TLE1: variants seen among roughly 807,000 people sequenced by gnomAD.
TLE1 encodes transducin-like enhancer protein 1.
In TLE1, 21 loss-of-function variants were observed where a neutral mutation model predicts 89.8. That is an observed-to-expected ratio of 0.23 (90% CI 0.17 to 0.34). The LOEUF is 0.34. Ranked by LOEUF, TLE1 falls within the 10% of genes least tolerant of loss-of-function variation. TLE1 has a pLI of 1.00. For synonymous variants in TLE1, 447 were observed against 407.6 expected (o/e 1.10, Z -1.16); for missense variants, 795 against 1,031.2 (o/e 0.77, Z 3.14).
chr9:81,645,511 T>C (rs1185332133), intron 6 of TLE1, among the ~76,000 whole-genome samples: 1 of 151,296 alleles, frequency 6.6e-6, no homozygotes, highest in African/African-American at 2.4e-5. Context: ...GAGGCCGAGA[T>C]GGGTGGATCC....
intron 7 of TLE1, 34 bp from the exon 8 acceptor site, chr9:81,633,398 T>C (rs1588054480): frequency 6.2e-7 from 1 of 1,613,132 alleles, no homozygotes; most frequent in South Asian, 1.1e-5. Context: ...CGCACAGACA[T>C]GCCCGTTCAG....
chr9:81,618,993 C>T (rs891790428), intron 9 of TLE1, among the ~76,000 whole-genome samples: 4 of 152,082 alleles, frequency 2.6e-5, no homozygotes, highest in Non-Finnish European at 4.4e-5. Flanking sequence ...AAACCTAGTA[C>T]ATGCAGGTTA....
chr9:81,659,252 T>C lies in TLE1; in HGVS notation c.235-5216A>G, dbSNP rs149736779. On this transcript the variant is annotated intron_variant, in intron 4 of 19. Coordinates refer to ENST00000376499, the MANE Select transcript of TLE1 (RefSeq NM_005077.5). ...CATGCTTCTATTCTTGATTGGAGTG[T>C]GCTGGCAGGTTAACCTGGGTATTTG... Among the ~76,000 whole-genome samples the C allele has an allele frequency of 6.6e-5, 10 of 152,302 alleles. No homozygotes were observed. The East Asian group carries it at 1.9e-3, about 29-fold the overall frequency.
At chr9:81,613,672 G>T in intron 11 of TLE1, 151 bp from the exon 12 acceptor site, 2 of 891,332 alleles carry the variant, frequency 2.2e-6, no homozygotes, top group Non-Finnish European at 3.4e-6. Context: ...GCATTAACTT[G>T]TGAGCGAGAA....
chr9:81,613,577 C>T, intron 11 of TLE1, 56 bp from the exon 12 acceptor site: 2 of 1,586,918 alleles, frequency 1.3e-6, no homozygotes, highest in Non-Finnish European at 1.7e-6. Flanking sequence ...CCATATTACA[C>T]AATTTATCAC....
chr9:81,652,248 T>C lies in TLE1; in HGVS notation c.338A>G (p.Gln113Arg), dbSNP rs1212398338. 2 of 1,614,010 alleles carry C rather than the reference T, an allele frequency of 1.2e-6. No homozygotes were observed. Among genetic ancestry groups the C allele is most frequent in the East Asian group, 2.2e-5 (1 of 44,882 alleles). Reference protein sequence around the residue: ...QVAQAVERAKQVTMAELNAII... With the variant: ...QVAQAVERAKRVTMAELNAII... Reference sequence around the variant, plus strand: ...GGCATTCAATTCTGCCATGGTCACCTGTTTGGCACGTTCAACAGCCTGGGC... The same window carrying C: ...GGCATTCAATTCTGCCATGGTCACCCGTTTGGCACGTTCAACAGCCTGGGC... Residue 113 changes from glutamine (Q) to arginine (R), a missense_variant, in exon 6 of 20, where the codon CAG becomes CGG. Gln to Arg is a conservative substitution (Grantham distance 43, BLOSUM62 1). This residue lies in a region of TLE1 where 66 missense variants were observed against 118.7 expected (regional missense o/e 0.56). Coordinates refer to ENST00000376499, the MANE Select transcript of TLE1 (RefSeq NM_005077.5).
chr9:81,653,836 A>AG (rs1232841357), intron 5 of TLE1, 138 bp downstream of exon 5: 62 of 699,216 alleles, frequency 8.9e-5, no homozygotes, highest in Non-Finnish European at 1.4e-4. Context: ...ATAGACTAGC[A>AG]GGGGGTTTAC....
chr9:81,597,430 A>T (rs1311363280), intron 14 of TLE1, among the ~76,000 whole-genome samples: 1 of 152,160 alleles, frequency 6.6e-6, no homozygotes, highest in Non-Finnish European at 1.5e-5. Context: ...AAAAATACAA[A>T]ATTCTTAAGT....
At chr9:81,661,218 ATATC>A (rs1378391001) in intron 4 of TLE1, among the ~76,000 whole-genome samples, 1 of 147,486 alleles carries the variant, frequency 6.8e-6, no homozygotes, top group Admixed American at 6.8e-5. Context: ...ATATATATAT[ATATC>A]TTTTTTTCAA....
intron 10 of TLE1, 119 bp from the exon 11 acceptor site, chr9:81,616,253 A>T: frequency 8.0e-7 from 1 of 1,257,534 alleles, no homozygotes; most frequent in Non-Finnish European, 1.1e-6. Flanking sequence ...TTGGGGTTGT[A>T]CAAGGTGACC....
Position 81,687,414 on chromosome 9 carries a change from G to A in TLE1, c.45C>T (p.Gly15=), listed in dbSNP as rs1331135657. The change falls in exon 2 of 20, where the codon GGC becomes GGT. Residue 15 remains glycine (G), a synonymous_variant. Coordinates refer to ENST00000376499, the MANE Select transcript of TLE1 (RefSeq NM_005077.5). ...SRHPTPHQAA[G]QPFKFTIPES... The stretch of plus-strand genomic sequence containing the variant: ...CCGGGATAGTGAACTTGAAGGGCTG[G>A]CCTGCAGCCTGGTGCGGCGTCTGGG... The A allele has an allele frequency of 1.2e-6, 2 of 1,610,714 alleles. No homozygotes were observed. The highest frequency in any genetic ancestry group is 2.2e-5 in the South Asian group (2 of 90,120).
intron 14 of TLE1, among the ~76,000 whole-genome samples, chr9:81,597,275 C>T (rs935642484): frequency 4.0e-5 from 6 of 150,216 alleles, no homozygotes; most frequent in Admixed American, 1.3e-4. Flanking sequence ...CGCACCACCA[C>T]GACTTAAAAA....
chr9:81,626,549 CCATAT>C (rs2132259789), intron 8 of TLE1, among the ~76,000 whole-genome samples: 1 of 152,298 alleles, frequency 6.6e-6, no homozygotes, highest in African/African-American at 2.4e-5. Context: ...CCACTGGCAA[CCATAT>C]CATATCTCAG....
chr9:81,604,684 G>A (rs534879100), intron 14 of TLE1, among the ~76,000 whole-genome samples: 4 of 152,266 alleles, frequency 2.6e-5, no homozygotes, highest in African/African-American at 7.2e-5. Context: ...AACCATGGAT[G>A]AGCATTTATA....
chr9:81,652,045 A>T, intron 6 of TLE1, 169 bp downstream of exon 6: 1 of 578,800 alleles, frequency 1.7e-6, no homozygotes, highest in East Asian at 2.7e-5. Flanking sequence ...CATATACCTT[A>T]GCACATCCCA....
At chr9:81,643,686 C>T (rs1205339765) in intron 6 of TLE1, among the ~76,000 whole-genome samples, 1 of 152,056 alleles carries the variant, frequency 6.6e-6, no homozygotes, top group Non-Finnish European at 1.5e-5. Context: ...AGGCACGCAC[C>T]ACCACACTCA....
intron 11 of TLE1, among the ~76,000 whole-genome samples, chr9:81,613,977 G>A (rs923382840): frequency 6.9e-6 from 1 of 144,870 alleles, no homozygotes; most frequent in Admixed American, 7.2e-5. Context: ...GCGCAATCTC[G>A]GCCTACTACA....
intron 4 of TLE1, among the ~76,000 whole-genome samples, chr9:81,667,608 C>T (rs1302159701): frequency 6.6e-6 from 1 of 152,010 alleles, no homozygotes; most frequent in Non-Finnish European, 1.5e-5. Context: ...GCCCCCAGTG[C>T]CACATAATGG....
intron 1 of TLE1, among the ~76,000 whole-genome samples, chr9:81,687,806 C>T (rs2133210287): frequency 6.6e-6 from 1 of 152,222 alleles, no homozygotes; most frequent in East Asian, 2.0e-4. Context: ...AGAAAAACAA[C>T]TCCTTTACGC....
Sources: gnomAD v4.1 joint callset for allele counts (sites outside exome capture counted in the v4.1 genomes callset) on GRCh38, gnomAD v4.1.1 for gene constraint, gnomAD v4.1.1 regional missense constraint, MANE v1.5 for transcripts, NCBI Gene and HGNC (gene_info 2026-07-23, HGNC 2026-07-21) for gene names.